PCNT: variants seen among roughly 807,000 people sequenced by gnomAD.
PCNT encodes kendrin.
Under a neutral mutation model 380.4 loss-of-function variants are expected in PCNT, and 319 were observed. The ratio of observed to expected loss-of-function variants is 0.84; its 90% CI spans 0.77 to 0.92. PCNT has a LOEUF of 0.92. PCNT is among the 40% of genes least tolerant of loss of function. PCNT has a pLI of 0.00. For synonymous variants in PCNT, 1,845 were observed against 1,735.2 expected (o/e 1.06, Z -1.57); for missense variants, 4,400 against 4,255.3 (o/e 1.03, Z -0.95).
chr21:46,421,010 C>T (rs1461451553), intron 31 of PCNT: 2 of 152,306 alleles, frequency 1.3e-5, no homozygotes, highest in African/African-American at 4.8e-5. Context: ...ACCCTGCACC[C>T]TTGCACTGCT....
chr21:46,411,103 T>C, intron 27 of PCNT, 86 bp from the exon 28 acceptor site: 1 of 1,313,998 alleles, frequency 7.6e-7, no homozygotes, highest in East Asian at 2.3e-5. Flanking sequence ...ACTCCAAGAA[T>C]GCATTCAGGA....
intron 3 of PCNT, among the ~76,000 whole-genome samples, chr21:46,344,418 C>T (rs376762338): frequency 1.3e-5 from 2 of 152,178 alleles, no homozygotes; most frequent in Admixed American, 6.5e-5. Context: ...CTCATGTGGC[C>T]GCCCACCCTG....
intron 32 of PCNT, among the ~76,000 whole-genome samples, chr21:46,424,100 C>T (rs984934702): frequency 1.3e-5 from 2 of 152,104 alleles, no homozygotes; most frequent in African/African-American, 2.4e-5. Context: ...GCTCCAGGCG[C>T]GTGGGGGACA....
At chr21:46,379,961 C>G (rs2085457742) in intron 15 of PCNT, among the ~76,000 whole-genome samples, 1 of 152,126 alleles carries the variant, frequency 6.6e-6, no homozygotes, top group African/African-American at 2.4e-5. Context: ...TGCACGTGTT[C>G]ACACCTTGTA....
In PCNT at chr21:46,445,629, C is replaced by T. The variant is rs927405466; in HGVS notation, c.*302C>T. 2 of 423,516 alleles carry T rather than the reference C, an allele frequency of 4.7e-6. No individual in the cohort carries two copies. Among genetic ancestry groups the T allele is most frequent in the Admixed American group, 8.1e-5 (2 of 24,618 alleles). 26.2% of individuals were successfully genotyped at this position (423,516 alleles called of 1,614,324 possible). A position where few individuals can be genotyped will look rare whatever the true frequency, so the allele number is the denominator to read the frequency against. On this transcript the variant is annotated 3_prime_UTR_variant, in exon 47 of 47. Coordinates refer to ENST00000359568, the MANE Select transcript of PCNT (RefSeq NM_006031.6). Reference sequence around the variant, plus strand: ...CCTATCGGCAGATCCATCCTTCCTGCCTCCAAGGAGGATACACAGAGAATG... The same window carrying T: ...CCTATCGGCAGATCCATCCTTCCTGTCTCCAAGGAGGATACACAGAGAATG...
intron 15 of PCNT, among the ~76,000 whole-genome samples, chr21:46,378,301 A>G (rs541197789): frequency 1.3e-5 from 2 of 152,188 alleles, no homozygotes; most frequent in South Asian, 2.1e-4. Context: ...TGTCTCTGGC[A>G]TATCTGAATT....
rs567914209 is a variant in PCNT, at chr21:46,394,571, G to A, written c.4217-2694G>A. On this transcript the variant is annotated intron_variant, in intron 21 of 46. Coordinates refer to ENST00000359568, the MANE Select transcript of PCNT (RefSeq NM_006031.6). Reference sequence around the variant, plus strand: ...GACAAACGATTGATTTGTGTGTGACGTGCTGTTTGTTTGCACTGGATTTTG... The same window carrying A: ...GACAAACGATTGATTTGTGTGTGACATGCTGTTTGTTTGCACTGGATTTTG... 40 of 978,250 alleles carry A rather than the reference G, an allele frequency of 4.1e-5. No homozygotes were observed. The South Asian group carries it at 6.1e-4, about 15-fold the overall frequency. The allele number at this position is 978,250 out of a possible 1,614,324, so 60.6% of individuals were successfully genotyped here.
chr21:46,383,760 C>T (rs1270107268), intron 16 of PCNT, among the ~76,000 whole-genome samples: 2 of 115,720 alleles, frequency 1.7e-5, no homozygotes, highest in Non-Finnish European at 1.8e-5. Flanking sequence ...GTGCATTCAG[C>T]AGCGGAAGCG....
chr21:46,325,796 G>A (rs1007158551), intron 1 of PCNT, among the ~76,000 whole-genome samples: 1 of 152,226 alleles, frequency 6.6e-6, no homozygotes, highest in African/African-American at 2.4e-5. Flanking sequence ...GAGCTAGGCT[G>A]TGCCTTCTGA....
chr21:46,431,473 T>C (rs1485199120), intron 37 of PCNT, 56 bp from the exon 38 acceptor site: 20 of 1,613,232 alleles, frequency 1.2e-5, no homozygotes, highest in Non-Finnish European at 1.6e-5. Flanking sequence ...AGGAAAACCA[T>C]GTAGACACTT....
At chr21:46,387,192 C>T (rs995088988) in intron 17 of PCNT, among the ~76,000 whole-genome samples, 1 of 152,360 alleles carries the variant, frequency 6.6e-6, no homozygotes, top group South Asian at 2.1e-4. Context: ...GCATTGGTGT[C>T]TGTCATGCTG....
At chr21:46,386,113 G>T in intron 17 of PCNT, 130 bp downstream of exon 17, 5 of 1,067,348 alleles carry the variant, frequency 4.7e-6, no homozygotes, top group Non-Finnish European at 7.0e-6. Context: ...CCTGGTGGAC[G>T]GGGACCCGGC....
At chr21:46,343,831 C>T (rs920718500) in intron 3 of PCNT, among the ~76,000 whole-genome samples, 5 of 152,108 alleles carry the variant, frequency 3.3e-5, no homozygotes, top group African/African-American at 9.7e-5. Context: ...TCTGTTTCTT[C>T]CTGGTCTAAT....
chr21:46,441,301 A>G (rs2053600368), intron 43 of PCNT, among the ~76,000 whole-genome samples: 1 of 152,352 alleles, frequency 6.6e-6, no homozygotes, highest in African/African-American at 2.4e-5. Flanking sequence ...TAAAGATTTA[A>G]GGGCACCTTT....
chr21:46,355,281 G>C (rs2084430766), intron 11 of PCNT, among the ~76,000 whole-genome samples, 171 bp from the exon 12 acceptor site: 1 of 152,270 alleles, frequency 6.6e-6, no homozygotes, highest in African/African-American at 2.4e-5. Flanking sequence ...GGGAGAGCAT[G>C]TGAGCACGCC....
rs2084200824 is a variant in PCNT at position 46,349,774 on chromosome 21, A to G, written c.1298A>G (p.Asp433Gly). Residue 433 changes from aspartate to glycine, a missense_variant, in exon 8 of 47, where the codon GAC (aspartate) becomes GGC (glycine). Physicochemically the swap from Asp to Gly is moderately conservative, Grantham distance 94. Transcript: ENST00000359568. ...TCCGAGCACGGCCGGTGTTTAGAAG[A>G]CTTGGAGTTCAAGTTCAAAGAGAGC... ...LQSEHGRCLE[D>G]LEFKFKESEK... 3 of 1,614,148 alleles carry G rather than the reference A, an allele frequency of 1.9e-6. No individual in the cohort carries two copies. In the East Asian group the frequency reaches 6.7e-5, roughly 36 times the overall value.
At chr21:46,330,206 C>A (rs2083513606) in intron 2 of PCNT, among the ~76,000 whole-genome samples, 1 of 152,046 alleles carries the variant, frequency 6.6e-6, no homozygotes, top group Non-Finnish European at 1.5e-5. Flanking sequence ...CAGCCTTGAC[C>A]TCCTGGCCTC....
chr21:46,371,218 T>C (rs28536617), intron 15 of PCNT, among the ~76,000 whole-genome samples: 1,125 of 70,468 alleles, frequency 0.016, 5 homozygotes, highest in African/African-American at 0.031. Flanking sequence ...TTCTTTCTTT[T>C]TTTTTTTTTT....
intron 13 of PCNT, among the ~76,000 whole-genome samples, chr21:46,359,480 G>GTTTTGTTTTTTTT (rs2084610782): frequency 1.5e-5 from 1 of 65,732 alleles, no homozygotes; most frequent in East Asian, 4.6e-4. Flanking sequence ...AAATACACCT[G>GTTTTGTTTTTTTT]TTTTTTTTTT....
Sources: allele counts gnomAD v4.1 joint callset (sites outside exome capture counted in the v4.1 genomes callset), GRCh38; gene constraint gnomAD v4.1.1; transcripts MANE v1.5; gene names NCBI Gene and HGNC (gene_info 2026-07-23, HGNC 2026-07-21).